The following ROBO1 variants were observed in gnomAD, a reference collection of about 807,000 sequenced individuals.
ROBO1 encodes roundabout homolog 1.
Under a neutral mutation model 195.9 loss-of-function variants are expected in ROBO1, and 149 were observed. The ratio of observed to expected loss-of-function variants is 0.76; its 90% CI spans 0.67 to 0.87. The LOEUF (loss-of-function observed/expected upper bound fraction) is 0.87, where lower values mean the gene tolerates loss of function less well. Ranked by LOEUF, ROBO1 falls within the 40% of genes least tolerant of loss-of-function variation. ROBO1 has a pLI of 0.00. For missense variants in ROBO1, 1,933 were observed against 2,068.3 expected (o/e 0.93, Z 1.27); for synonymous variants, 816 against 733.2 (o/e 1.11, Z -1.82).
chr3:78,841,720 T>C (rs1052006280), intron 4 of ROBO1, among the ~76,000 whole-genome samples: 1 of 152,098 alleles, frequency 6.6e-6, no homozygotes, highest in African/African-American at 2.4e-5. Flanking sequence ...ACAGAAAATA[T>C]TTGCAATTCC....
At chr3:79,378,401 T>A (rs2036457778) in intron 2 of ROBO1, among the ~76,000 whole-genome samples, 1 of 152,132 alleles carries the variant, frequency 6.6e-6, no homozygotes, top group Admixed American at 6.5e-5. Context: ...TATTCAGCAT[T>A]CTCCCCACCC....
At chr3:78,915,729 G>A (rs1256329542) in intron 4 of ROBO1, among the ~76,000 whole-genome samples, 3 of 152,004 alleles carry the variant, frequency 2.0e-5, no homozygotes, top group Non-Finnish European at 4.4e-5. Context: ...AGGCTGGACT[G>A]CAGTGGGATG....
intron 2 of ROBO1, among the ~76,000 whole-genome samples, chr3:79,587,433 CTGA>C (rs1350586988): frequency 6.6e-6 from 1 of 151,770 alleles, no homozygotes; most frequent in African/African-American, 2.4e-5. Context: ...GACACCTTGG[CTGA>C]TGATAACTCA....
At chr3:78,946,337 T>C (rs572752405) in intron 3 of ROBO1, among the ~76,000 whole-genome samples, 17 of 152,306 alleles carry the variant, frequency 1.1e-4, no homozygotes, top group African/African-American at 3.8e-4. Context: ...GCAGAAACTC[T>C]ACAAGCTAGA....
rs952547990 is a variant in ROBO1 at position 79,722,481 on chromosome 3, A to G, written c.-51+45271T>C. ...GTCCACAGCCATTCATGAAGACCTCACAGTTCCATCGCCAACTGTTGCTTT... is the reference window on the plus strand; with the variant it reads ...GTCCACAGCCATTCATGAAGACCTCGCAGTTCCATCGCCAACTGTTGCTTT... On this transcript the variant is annotated intron_variant, in intron 1 of 30. Coordinates refer to ENST00000464233, the MANE Select transcript of ROBO1 (RefSeq NM_002941.4). 2.6e-5 allele frequency among the ~76,000 whole-genome samples: 4 copies of G among 152,306 alleles called. No individual in the cohort carries two copies. In the East Asian group the frequency reaches 7.7e-4, roughly 29 times the overall value.
chr3:79,691,538 T>TA (rs1158594078), intron 1 of ROBO1, among the ~76,000 whole-genome samples: 2 of 151,632 alleles, frequency 1.3e-5, no homozygotes, highest in East Asian at 3.9e-4. Context: ...TTTCAGATAA[T>TA]AAATGTCAAG....
At chr3:79,476,361 C>T (rs560497492) in intron 2 of ROBO1, among the ~76,000 whole-genome samples, 1 of 152,208 alleles carries the variant, frequency 6.6e-6, no homozygotes, top group African/African-American at 2.4e-5. Flanking sequence ...ATAGAACTAA[C>T]ATTTGATCCA....
chr3:79,453,395 G>T (rs1302251437), intron 2 of ROBO1, among the ~76,000 whole-genome samples: 1 of 152,094 alleles, frequency 6.6e-6, no homozygotes, highest in East Asian at 1.9e-4. Flanking sequence ...TTGTCAAACA[G>T]TGGCTTTTAG....
At chr3:78,801,540 T>C (rs1434727229) in intron 4 of ROBO1, among the ~76,000 whole-genome samples, 2 of 152,112 alleles carry the variant, frequency 1.3e-5, no homozygotes, top group Non-Finnish European at 2.9e-5. Flanking sequence ...AAATGTCATA[T>C]TTGGGCTACA....
At chr3:79,273,474 C>T (rs2030754185) in intron 2 of ROBO1, among the ~76,000 whole-genome samples, 1 of 151,930 alleles carries the variant, frequency 6.6e-6, no homozygotes. Context: ...ATGTTATTTG[C>T]AAGCCTCATG....
chr3:78,720,618 C>T (rs2082017236), intron 5 of ROBO1, among the ~76,000 whole-genome samples: 1 of 152,192 alleles, frequency 6.6e-6, no homozygotes, highest in African/African-American at 2.4e-5. Context: ...GATTATAAAT[C>T]ATGCTGCCAT....
intron 1 of ROBO1, among the ~76,000 whole-genome samples, chr3:79,612,339 T>C (rs1386216051): frequency 6.8e-6 from 1 of 146,262 alleles, no homozygotes; most frequent in Admixed American, 6.9e-5. Flanking sequence ...TTCATCCATG[T>C]CCCTACAAAG....
chr3:79,216,716 A>G (rs2082060998), intron 2 of ROBO1, among the ~76,000 whole-genome samples: 1 of 152,090 alleles, frequency 6.6e-6, no homozygotes, highest in Non-Finnish European at 1.5e-5. Flanking sequence ...TGCATTTAAA[A>G]TAATCATTCA....
chr3:79,432,916 C>T (rs1217375755), intron 2 of ROBO1, among the ~76,000 whole-genome samples: 1 of 151,996 alleles, frequency 6.6e-6, no homozygotes, highest in Non-Finnish European at 1.5e-5. Context: ...CAATATTAGT[C>T]CAAAGTTGTT....
At chr3:78,945,285 AC>A (rs2040368193) in intron 3 of ROBO1, among the ~76,000 whole-genome samples, 1 of 152,274 alleles carries the variant, frequency 6.6e-6, no homozygotes, top group African/African-American at 2.4e-5. Flanking sequence ...GGGCGGACTG[AC>A]ACCTCACACG....
intron 2 of ROBO1, among the ~76,000 whole-genome samples, chr3:79,394,947 T>C (rs1205788606): frequency 6.6e-6 from 1 of 152,182 alleles, no homozygotes; most frequent in Non-Finnish European, 1.5e-5. Context: ...GCACAAAATT[T>C]AATTTTACCT....
intron 14 of ROBO1, 109 bp from the exon 15 acceptor site, chr3:78,662,223 T>G: frequency 1.1e-6 from 1 of 909,758 alleles, no homozygotes; most frequent in Non-Finnish European, 1.5e-6. Context: ...TAAAGAAGAG[T>G]CCAAGCCAGG....
At chr3:79,300,203 G>T (rs943613741) in intron 2 of ROBO1, among the ~76,000 whole-genome samples, 2 of 152,170 alleles carry the variant, frequency 1.3e-5, no homozygotes, top group Admixed American at 6.5e-5. Flanking sequence ...CCCTCAGCTA[G>T]CAGGGAGGTG....
chr3:78,885,909 T>TTTTA (rs1553756656), intron 4 of ROBO1, among the ~76,000 whole-genome samples: 2 of 117,752 alleles, frequency 1.7e-5, no homozygotes, highest in Non-Finnish European at 3.4e-5. Flanking sequence ...TAGCAAAATT[T>TTTTA]TATATATATA....
Sources: gnomAD v4.1 joint callset for allele counts (sites outside exome capture counted in the v4.1 genomes callset) on GRCh38, gnomAD v4.1.1 for gene constraint, MANE v1.5 for transcripts, NCBI Gene and HGNC (gene_info 2026-07-23, HGNC 2026-07-21) for gene names.